Variants in CSTA observed in about 807,000 individuals in gnomAD.
CSTA encodes cystatin-A.
A neutral mutation model predicts 9.2 loss-of-function variants in CSTA; 9 were observed. The observed-to-expected ratio is 0.97, with a 90% CI of 0.59 to 1.70. CSTA has a LOEUF of 1.70. Among genes scored for constraint, CSTA ranks in the 40% most tolerant of loss-of-function variants. The pLI is 0.00. For missense variants in CSTA, 118 were observed against 113.1 expected, an observed-to-expected ratio of 1.04 and a Z score of -0.20; for synonymous variants, 36 against 40.6, an observed-to-expected ratio of 0.89 and a Z score of 0.43.
chr3:122,328,546 A>AC (rs1202922468), intron 1 of CSTA, among the ~76,000 whole-genome samples: 1 of 148,596 alleles, frequency 6.7e-6, no homozygotes, highest in Non-Finnish European at 1.5e-5. Context: ...AAGTTAGCTC[A>AC]CCCCCAGTGT....
intron 2 of CSTA, 126 bp from the exon 3 acceptor site, chr3:122,341,313 G>A (rs1328483886): frequency 2.1e-5 from 20 of 930,810 alleles, no homozygotes; most frequent in Non-Finnish European, 3.4e-5. Flanking sequence ...GGTGGACTAG[G>A]TCTAGCAATG....
chr3:122,337,677 A>T, intron 2 of CSTA, 29 bp downstream of exon 2: 1 of 1,315,078 alleles, frequency 7.6e-7, no homozygotes, highest in Non-Finnish European at 1.1e-6. Flanking sequence ...CTTTAGCGCC[A>T]AAAGATGTAT....
intron 1 of CSTA, among the ~76,000 whole-genome samples, chr3:122,329,290 A>G (rs2075189647): frequency 1.3e-5 from 2 of 151,658 alleles, no homozygotes; most frequent in Non-Finnish European, 2.9e-5. Flanking sequence ...TACTCCTTAG[A>G]AGGACTGGTG....
rs1237972517 is a variant in CSTA at position 122,334,496 on chromosome 3, AC to A, written c.67-3050del. 7.2e-5 allele frequency among the ~76,000 whole-genome samples: 11 copies of A among 151,982 alleles called. No individual in the cohort carries two copies. The South Asian group carries it at 1.2e-3, about 17-fold the overall frequency. On this transcript the variant is annotated intron_variant, in intron 1 of 2. Coordinates refer to ENST00000264474, the MANE Select transcript of CSTA (RefSeq NM_005213.4). ...TCTCTTAAATTTAAAAAAACAAAAA[AC>A]AAAAAAAACCTGCCCACTGATAGGA...
intron 1 of CSTA, among the ~76,000 whole-genome samples, chr3:122,331,966 C>T (rs935327495): frequency 2.6e-5 from 4 of 152,142 alleles, no homozygotes; most frequent in Admixed American, 6.5e-5. Context: ...ATAAGGAGCA[C>T]GCAACCTTGA....
chr3:122,338,191 A>C (rs1261076993), intron 2 of CSTA: 1 of 153,192 alleles, frequency 6.5e-6, no homozygotes, highest in African/African-American at 2.4e-5. Context: ...AGTTTAAAAG[A>C]GTGGAGTATT....
At position 122,341,472 on chromosome 3, in the gene CSTA, A is replaced by G; in HGVS notation, c.202A>G (p.Lys68Glu). The G allele has an allele frequency of 1.9e-6, 3 of 1,613,978 alleles. No individual in the cohort carries two copies. Among genetic ancestry groups the G allele is most frequent in the Non-Finnish European group, 2.5e-6 (3 of 1,179,902 alleles). ...RAGDNKYMHL[K>E]VFKSLPGQNE... ...AGGTGATAATAAATATATGCACTTG[A>G]AAGTATTCAAAAGTCTTCCCGGACA... The change falls in exon 3 of 3, where the codon AAA (lysine) becomes GAA (glutamate). Residue 68 changes from lysine (K) to glutamate (E), a missense_variant. Transcript: ENST00000264474.
chr3:122,325,659 T>C (rs1427941371), intron 1 of CSTA, among the ~76,000 whole-genome samples: 1 of 152,274 alleles, frequency 6.6e-6, no homozygotes, highest in Non-Finnish European at 1.5e-5. Context: ...CTAGAATTAC[T>C]AATTCAGTTT....
chr3:122,328,036 T>G (rs527499692), intron 1 of CSTA, among the ~76,000 whole-genome samples: 1 of 152,248 alleles, frequency 6.6e-6, no homozygotes, highest in East Asian at 1.9e-4. Context: ...AGAGGTAGAA[T>G]GAGAGATAAG....
At position 122,335,235 on chromosome 3, in the gene CSTA, G is replaced by A. The variant is rs564414213; in HGVS notation, c.67-2312G>A. 3.3e-5 allele frequency among the ~76,000 whole-genome samples: 5 copies of A among 152,266 alleles called. No individual in the cohort carries two copies. In the East Asian group the frequency reaches 9.7e-4, roughly 29 times the overall value. ...TCCCTCCATGGTAGACAGAATGATG[G>A]CCCTCCAAAGATGTCCATGTCCTAA... On this transcript the variant is annotated intron_variant, in intron 1 of 2. Coordinates refer to ENST00000264474, the MANE Select transcript of CSTA (RefSeq NM_005213.4).
rs541302761 is a variant in CSTA, at chr3:122,327,244, A to G, written c.66+1886A>G. ...GAGCAAGACTCTGTCTCAAAAAAAA[A>G]AAGGGCCAGGCGCAGTGGCTCACAC... is the stretch of plus-strand genomic sequence containing the variant. On this transcript the variant is annotated intron_variant, in intron 1 of 2. Transcript: ENST00000264474. 3.5e-3 allele frequency among the ~76,000 whole-genome samples: 515 copies of G among 148,066 alleles called. 4 individuals carry two copies. Among genetic ancestry groups the G allele is most frequent in the African/African-American group, 0.013 (500 of 39,892 alleles).
At chr3:122,332,248 TCTC>T (rs2075209238) in intron 1 of CSTA, among the ~76,000 whole-genome samples, 1 of 152,108 alleles carries the variant, frequency 6.6e-6, no homozygotes, top group African/African-American at 2.4e-5. Context: ...TAGACTCTAT[TCTC>T]CTCTCTTCAG....
In CSTA at chr3:122,327,440, A is replaced by C. The variant is rs1274446682; in HGVS notation, c.66+2082A>C. Among the ~76,000 whole-genome samples, 6 of 149,572 alleles carry C rather than the reference A, an allele frequency of 4.0e-5. No homozygotes were observed. The East Asian group carries it at 1.2e-3, about 30-fold the overall frequency. On this transcript the variant is annotated intron_variant, in intron 1 of 2. Coordinates refer to ENST00000264474, the MANE Select transcript of CSTA (RefSeq NM_005213.4). ...GCTACTCGGGAGGCTGAGGCAGGAGAATGGCGTGAACCCGGGAGGTGGAGT... is the reference window on the plus strand; with the variant it reads ...GCTACTCGGGAGGCTGAGGCAGGAGCATGGCGTGAACCCGGGAGGTGGAGT...
chr3:122,326,121 C>T (rs772137927), intron 1 of CSTA, among the ~76,000 whole-genome samples: 3 of 148,732 alleles, frequency 2.0e-5, no homozygotes, highest in South Asian at 2.1e-4. Context: ...TGAGTTCAAG[C>T]GATCCTCCCC....
chr3:122,335,981 ACACACAC>A, intron 1 of CSTA, among the ~76,000 whole-genome samples: 2 of 151,864 alleles, frequency 1.3e-5, no homozygotes, highest in Non-Finnish European at 2.9e-5. Context: ...ACACACACAC[ACACACAC>A]ACACACACGT....
intron 1 of CSTA, 42 bp from the exon 2 acceptor site, chr3:122,337,505 A>G: frequency 7.3e-7 from 1 of 1,377,572 alleles, no homozygotes; most frequent in Non-Finnish European, 1.0e-6. Flanking sequence ...CATGGAGTCT[A>G]ATATAGCTTT....
intron 1 of CSTA, among the ~76,000 whole-genome samples, chr3:122,336,612 A>G (rs2075238526): frequency 6.6e-6 from 1 of 152,210 alleles, no homozygotes; most frequent in Non-Finnish European, 1.5e-5. Flanking sequence ...GTAGGCAAGA[A>G]CCATCAATGG....
chr3:122,329,140 T>C (rs1306133513), intron 1 of CSTA, among the ~76,000 whole-genome samples: 2 of 151,458 alleles, frequency 1.3e-5, no homozygotes, highest in East Asian at 4.0e-4. Flanking sequence ...TAATTTTTTG[T>C]ATTTTTTAGT....
At chr3:122,339,855 C>G (rs2075255885) in intron 2 of CSTA, among the ~76,000 whole-genome samples, 1 of 152,044 alleles carries the variant, frequency 6.6e-6, no homozygotes, top group Non-Finnish European at 1.5e-5. Flanking sequence ...ATCAGTACCC[C>G]CCAAAAATGT....
Sources: allele counts gnomAD v4.1 joint callset (sites outside exome capture counted in the v4.1 genomes callset), GRCh38; gene constraint gnomAD v4.1.1; transcripts MANE v1.5; gene names NCBI Gene and HGNC (gene_info 2026-07-23, HGNC 2026-07-21).